The following TXNDC11 variants were observed in gnomAD, a reference collection of about 807,000 sequenced individuals.
The protein encoded by TXNDC11 is thioredoxin domain containing 11, also known as thioredoxin domain-containing protein 11.
TXNDC11 carries 68 observed loss-of-function variants against 78.0 expected under a neutral mutation model. The observed-to-expected ratio is 0.87, with a 90% confidence interval of 0.72 to 1.07. The LOEUF is 1.07. TXNDC11 is among the 50% of genes least tolerant of loss of function. TXNDC11 has a pLI of 0.00. For synonymous variants in TXNDC11, 571 were observed against 495.2 expected (o/e 1.15, Z -2.03); for missense variants, 1,389 against 1,221.8 (o/e 1.14, Z -2.04).
chr16:11,698,359 A>C, intron 6 of TXNDC11, 34 bp from the exon 7 acceptor site: 1 of 1,600,486 alleles, frequency 6.2e-7, no homozygotes, highest in Non-Finnish European at 8.6e-7. Flanking sequence ...GATAAAGGAG[A>C]GCTCGTGAGG....
intron 4 of TXNDC11, among the ~76,000 whole-genome samples, chr16:11,727,258 A>G (rs2051910690): frequency 1.3e-5 from 2 of 151,942 alleles, no homozygotes; most frequent in African/African-American, 4.8e-5. Flanking sequence ...TTTTTTTAAA[A>G]CAAGGAGGAA....
chr16:11,714,463 C>T lies in TXNDC11; in HGVS notation c.793+7114G>A, dbSNP rs182828116. Among the ~76,000 whole-genome samples the T allele has an allele frequency of 9.9e-4, 151 of 152,236 alleles. 1 individual carries two copies. Among genetic ancestry groups the T allele is most frequent in the Admixed American group, 1.8e-3 (28 of 15,304 alleles). ...GACGATGCTGGCGAAAACGGTGAAACCCCGTCTCTACTAAAAAATACAAAA... is the reference window on the plus strand; with the variant it reads ...GACGATGCTGGCGAAAACGGTGAAATCCCGTCTCTACTAAAAAATACAAAA... On this transcript the variant is annotated intron_variant, in intron 5 of 11. Transcript: ENST00000283033.
chr16:11,705,515 C>T (rs2051156606), intron 5 of TXNDC11, among the ~76,000 whole-genome samples: 1 of 152,032 alleles, frequency 6.6e-6, no homozygotes, highest in African/African-American at 2.4e-5. Flanking sequence ...GAAAAGCAGC[C>T]AGTAAGGAAA....
At chr16:11,732,551 C>T (rs887519274) in intron 3 of TXNDC11, among the ~76,000 whole-genome samples, 3 of 152,112 alleles carry the variant, frequency 2.0e-5, no homozygotes, top group Non-Finnish European at 2.9e-5. Context: ...GCAGAACCTC[C>T]AAGTTACTGG....
intron 5 of TXNDC11, among the ~76,000 whole-genome samples, chr16:11,702,405 T>G (rs1035652844): frequency 7.9e-5 from 12 of 152,334 alleles, no homozygotes; most frequent in African/African-American, 2.6e-4. Context: ...CAGGGGCTCA[T>G]GCTCTTAATC....
intron 7 of TXNDC11, among the ~76,000 whole-genome samples, chr16:11,697,083 ATTACT>A (rs939518011): frequency 3.4e-4 from 52 of 152,340 alleles, no homozygotes; most frequent in African/African-American, 1.2e-3. Flanking sequence ...AAATAGTTTT[ATTACT>A]TTGAGTCCTC....
Position 11,691,488 on chromosome 16 carries a change from T to G in TXNDC11, c.1702A>C (p.Asn568His). Residue 568 changes from asparagine (N) to histidine (H), a missense_variant, in exon 8 of 12, where the codon AAC becomes CAC. Coordinates refer to ENST00000283033, the MANE Select transcript of TXNDC11 (RefSeq NM_015914.7). ...LFPEVDMTST[N>H]FTGLSCRTNK... is the part of the protein sequence containing the mutation. The stretch of plus-strand genomic sequence containing the variant: ...GTTCTGCAGCTCAGGCCTGTGAAGT[T>G]TGTGCTAGTCATGTCCACTTCTGGA... 1 of 1,614,216 alleles carries G rather than the reference T, an allele frequency of 6.2e-7. No homozygotes were observed. Among genetic ancestry groups the G allele is most frequent in the Non-Finnish European group, 8.5e-7 (1 of 1,179,998 alleles).
At chr16:11,688,171 C>T (rs758107040) in intron 9 of TXNDC11, 132 bp downstream of exon 9, 26 of 1,037,836 alleles carry the variant, frequency 2.5e-5, no homozygotes, top group Non-Finnish European at 3.3e-5. Flanking sequence ...AATTCATTCA[C>T]GGTCCATAAT....
At chr16:11,695,104 G>C (rs1402060568) in intron 7 of TXNDC11, among the ~76,000 whole-genome samples, 1 of 152,138 alleles carries the variant, frequency 6.6e-6, no homozygotes, top group Non-Finnish European at 1.5e-5. Flanking sequence ...CATTTCCTTT[G>C]ATTAACAAGT....
At chr16:11,716,359 TCAAG>T (rs1316879838) in intron 5 of TXNDC11, among the ~76,000 whole-genome samples, 1 of 152,232 alleles carries the variant, frequency 6.6e-6, no homozygotes, top group African/African-American at 2.4e-5. Context: ...TTTTTAAAAA[TCAAG>T]CAAGCAACTT....
intron 7 of TXNDC11, among the ~76,000 whole-genome samples, chr16:11,693,531 CAAGTTTTATAAAAATAAAAATAAAA>C (rs2050777150): frequency 6.6e-6 from 1 of 151,868 alleles, no homozygotes; most frequent in South Asian, 2.1e-4. Context: ...TTTAAAAACA[CAAGTTTTATAAAAATAAAAATAAAA>C]AAGTTTTATA....
chr16:11,712,219 G>T (rs991558951), intron 5 of TXNDC11, among the ~76,000 whole-genome samples: 2 of 152,154 alleles, frequency 1.3e-5, no homozygotes, highest in Non-Finnish European at 2.9e-5. Flanking sequence ...ACCTGGGATC[G>T]AGGGATCAAA....
rs186225468 is a variant in TXNDC11 at position 11,709,682 on chromosome 16, G to A, written c.794-9118C>T. 3.4e-3 allele frequency among the ~76,000 whole-genome samples: 516 copies of A among 151,608 alleles called. 13 individuals carry two copies. The East Asian group carries it at 0.044, about 13-fold the overall frequency. ...GATCTCCTGACCTCGTGATCCGCCC[G>A]CCTCGGCCTCCCAAAGTGCTGGGAT... On this transcript the variant is annotated intron_variant, in intron 5 of 11. Transcript: ENST00000283033.
rs568247995 is a variant in TXNDC11, at chr16:11,742,587, G to A, written c.144C>T (p.Leu48=). 7 of 1,457,886 alleles carry A rather than the reference G, an allele frequency of 4.8e-6. No homozygotes were observed. The East Asian group carries it at 1.5e-4, about 31-fold the overall frequency. The allele number at this position is 1,457,886 out of a possible 1,614,324, so 90.3% of individuals were successfully genotyped here. The change falls in exon 1 of 12, where the codon CTC becomes CTT. Residue 48 remains leucine (L), a synonymous_variant. Coordinates refer to ENST00000283033, the MANE Select transcript of TXNDC11 (RefSeq NM_015914.7). ...TLATASSAGR[L]RRGLRGAFLM... The stretch of plus-strand genomic sequence containing the variant: ...GGAAGGCGCCACGCAGCCCGCGACG[G>A]AGCCGGCCCGCCGAGGACGCTGTGG...
At chr16:11,720,091 A>C (rs2051658403) in intron 5 of TXNDC11, among the ~76,000 whole-genome samples, 1 of 152,204 alleles carries the variant, frequency 6.6e-6, no homozygotes, top group Non-Finnish European at 1.5e-5. Flanking sequence ...CGAGCAGATG[A>C]GAATGGATCT....
intron 5 of TXNDC11, chr16:11,703,521 C>G: frequency 2.0e-6 from 1 of 494,716 alleles, no homozygotes; most frequent in Non-Finnish European, 3.6e-6. Flanking sequence ...CACACACACA[C>G]ACACACACAC....
chr16:11,689,825 G>C (rs2050662112), intron 8 of TXNDC11, among the ~76,000 whole-genome samples: 1 of 152,096 alleles, frequency 6.6e-6, no homozygotes, highest in South Asian at 2.1e-4. Flanking sequence ...TTTTAAGAAA[G>C]CTCAACACAT....
intron 11 of TXNDC11, among the ~76,000 whole-genome samples, chr16:11,681,644 C>G (rs9940508): frequency 0.038 from 5,768 of 152,258 alleles, 390 homozygotes; most frequent in African/African-American, 0.13. Context: ...ACATCAGAGT[C>G]TCTTGGTGGA....
chr16:11,679,984 G>A lies in TXNDC11; in HGVS notation c.2235-147C>T, dbSNP rs929358327. 13 of 716,652 alleles carry A rather than the reference G, an allele frequency of 1.8e-5. No individual in the cohort carries two copies. The African/African-American group carries it at 2.3e-4, about 13-fold the overall frequency. The allele number at this position is 716,652 out of a possible 1,614,324, so 44.4% of individuals were successfully genotyped here. ...ACTTACTGAAAGTAAGGAAAATGTT[G>A]CCTGGGCAAGAAATTCTCTACAAAG... On this transcript the variant is annotated intron_variant, in intron 11 of 11. Coordinates refer to ENST00000283033, the MANE Select transcript of TXNDC11 (RefSeq NM_015914.7). This position sits in a 1 kb window ranked among gnomAD's most constrained non-coding sequence, Gnocchi z 4.6.
Sources: gnomAD v4.1 joint callset for allele counts (sites outside exome capture counted in the v4.1 genomes callset) on GRCh38, gnomAD v4.1.1 for gene constraint, Gnocchi (gnomAD v3.1) non-coding constraint, MANE v1.5 for transcripts, NCBI Gene and HGNC (gene_info 2026-07-23, HGNC 2026-07-21) for gene names.